The following MAGI3 variants were observed in gnomAD, a reference collection of about 807,000 sequenced individuals.
MAGI3 encodes the protein membrane associated guanylate kinase, WW and PDZ domain containing 3.
Under a neutral mutation model 121.8 loss-of-function variants are expected in MAGI3, and 43 were observed. That is an observed-to-expected ratio of 0.35 (90% CI 0.28 to 0.46). The LOEUF is 0.46. Among genes scored for constraint, MAGI3 ranks in the 20% least tolerant of loss-of-function variants. The pLI is 1.00. For synonymous variants in MAGI3, 553 were observed against 639.3 expected, an observed-to-expected ratio of 0.86 and a Z score of 2.04; for missense variants, 1,547 against 1,797.3, an observed-to-expected ratio of 0.86 and a Z score of 2.52.
chr1:113,529,180 T>G (rs1035958212), intron 1 of MAGI3, among the ~76,000 whole-genome samples: 2 of 152,332 alleles, frequency 1.3e-5, no homozygotes, highest in African/African-American at 4.8e-5. Context: ...TTTTATTCAT[T>G]TCTAGTTTAG....
intron 1 of MAGI3, among the ~76,000 whole-genome samples, chr1:113,510,714 G>A (rs1657572840): frequency 1.3e-5 from 2 of 152,130 alleles, no homozygotes; most frequent in South Asian, 4.1e-4. Flanking sequence ...TGAACTTAGA[G>A]GCCATCAGCA....
intron 7 of MAGI3, among the ~76,000 whole-genome samples, chr1:113,618,177 A>C (rs61475115): frequency 1.3e-5 from 1 of 78,792 alleles, no homozygotes; most frequent in Non-Finnish European, 2.8e-5. Flanking sequence ...AAAAAAAAAA[A>C]TTTTTTTTAA....
Position 113,503,809 on chromosome 1 carries a change from A to T in MAGI3, c.317-45706A>T, listed in dbSNP as rs989562130. Among the ~76,000 whole-genome samples, 3 of 152,092 alleles carry T rather than the reference A, an allele frequency of 2.0e-5. No individual in the cohort carries two copies. The East Asian group carries it at 5.8e-4, about 29-fold the overall frequency. ...ATAAAAATATATGTGACTGGGAATG[A>T]CATGAATAGAAACTTCTGGAAAATG... is the stretch of plus-strand genomic sequence containing the variant. On this transcript the variant is annotated intron_variant, in intron 1 of 20. Transcript: ENST00000307546.
At chr1:113,493,206 G>A (rs1373660709) in intron 1 of MAGI3, among the ~76,000 whole-genome samples, 4 of 152,090 alleles carry the variant, frequency 2.6e-5, no homozygotes, top group Non-Finnish European at 4.4e-5. Flanking sequence ...TAGACCAATG[G>A]AATGGATTAG....
At chr1:113,654,582 G>A (rs1312327084) in intron 15 of MAGI3, among the ~76,000 whole-genome samples, 1 of 152,056 alleles carries the variant, frequency 6.6e-6, no homozygotes, top group Non-Finnish European at 1.5e-5. Context: ...TTGGAAAATG[G>A]ATCTAAATAT....
rs557849194 is a variant in MAGI3, at chr1:113,597,529, T to C, written c.1018+2969T>C. ...GACTTATGCACTTCACAAAAGAAGA[T>C]AAAAGAAGAGTCAAGAAGAACATGA... is the stretch of plus-strand genomic sequence containing the variant. On this transcript the variant is annotated intron_variant, in intron 6 of 20. Transcript: ENST00000307546. Among the ~76,000 whole-genome samples, 8 of 152,268 alleles carry C rather than the reference T, an allele frequency of 5.3e-5. No homozygotes were observed. The East Asian group carries it at 1.2e-3, about 22-fold the overall frequency.
intron 1 of MAGI3, among the ~76,000 whole-genome samples, chr1:113,532,816 A>G (rs1365204605): frequency 6.6e-6 from 1 of 152,234 alleles, no homozygotes; most frequent in African/African-American, 2.4e-5. Context: ...CATGTCAAAA[A>G]CAAGGTAATA....
At chr1:113,535,310 CCT>C (rs1285667829) in intron 1 of MAGI3, among the ~76,000 whole-genome samples, 1 of 151,664 alleles carries the variant, frequency 6.6e-6, no homozygotes, top group East Asian at 1.9e-4. Context: ...AAAAAAAAAA[CCT>C]CTCAATAGAA....
chr1:113,556,738 T>A (rs187141710), intron 2 of MAGI3, among the ~76,000 whole-genome samples: 9 of 152,046 alleles, frequency 5.9e-5, no homozygotes, highest in Admixed American at 3.3e-4. Context: ...AATTTTTTTT[T>A]AATTCTTATT....
At chr1:113,524,487 G>C (rs1054679916) in intron 1 of MAGI3, among the ~76,000 whole-genome samples, 1 of 152,104 alleles carries the variant, frequency 6.6e-6, no homozygotes, top group Admixed American at 6.6e-5. Context: ...GCATGACCTG[G>C]ATGTGAGACA....
chr1:113,549,510 T>A lies in MAGI3; in HGVS notation c.317-5T>A. 1 of 1,500,946 alleles carries A rather than the reference T, an allele frequency of 6.7e-7. No homozygotes were observed. The highest frequency in any genetic ancestry group is 9.1e-7 in the Non-Finnish European group (1 of 1,097,504). The allele number at this position is 1,500,946 out of a possible 1,614,324, so 93.0% of individuals were successfully genotyped here. On this transcript the variant is annotated splice_polypyrimidine_tract_variant and splice_region_variant and intron_variant, in intron 1 of 20. Coordinates refer to ENST00000307546, the MANE Select transcript of MAGI3 (RefSeq NM_001142782.2). Reference sequence around the variant, plus strand: ...TTCTGTTTTTTTTTTTTGTCTTTGCTCCAGGCAAAGTCATTAATAAAGATT... The same window carrying A: ...TTCTGTTTTTTTTTTTTGTCTTTGCACCAGGCAAAGTCATTAATAAAGATT...
intron 1 of MAGI3, among the ~76,000 whole-genome samples, chr1:113,532,387 T>C (rs978360541): frequency 1.3e-5 from 2 of 152,074 alleles, no homozygotes; most frequent in Non-Finnish European, 2.9e-5. Context: ...GTCTTTATAG[T>C]GTTACCTGCA....
intron 1 of MAGI3, among the ~76,000 whole-genome samples, chr1:113,459,181 A>G (rs1448843455): frequency 6.6e-6 from 1 of 152,208 alleles, no homozygotes; most frequent in Non-Finnish European, 1.5e-5. Context: ...TTGATGGCTA[A>G]GATTTTGTTG....
intron 6 of MAGI3, among the ~76,000 whole-genome samples, chr1:113,600,154 A>G (rs1056219357): frequency 6.6e-6 from 1 of 152,178 alleles, no homozygotes; most frequent in Non-Finnish European, 1.5e-5. Context: ...CCCTTTGAAA[A>G]CTGGCACAAG....
intron 1 of MAGI3, among the ~76,000 whole-genome samples, chr1:113,526,730 C>T (rs1264399677): frequency 6.6e-6 from 1 of 152,238 alleles, no homozygotes; most frequent in African/African-American, 2.4e-5. Context: ...GCTGTTGGCT[C>T]AATCAGGCTA....
At chr1:113,650,591 G>A (rs1030338058) in intron 13 of MAGI3, among the ~76,000 whole-genome samples, 1 of 152,190 alleles carries the variant, frequency 6.6e-6, no homozygotes, top group East Asian at 1.9e-4. Context: ...CATATGTGAT[G>A]GGAGTACTGT....
intron 2 of MAGI3, among the ~76,000 whole-genome samples, chr1:113,550,680 TAGG>T (rs1431653599): frequency 6.9e-6 from 1 of 145,710 alleles, no homozygotes; most frequent in Non-Finnish European, 1.5e-5. Context: ...CGCTTGAACC[TAGG>T]AGGCGGAGAT....
At chr1:113,654,116 C>A in intron 15 of MAGI3, 98 bp downstream of exon 15, 1 of 944,974 alleles carries the variant, frequency 1.1e-6, no homozygotes, top group Non-Finnish European at 1.6e-6. Flanking sequence ...GTATAAAATG[C>A]CTTAGGTACT....
At chr1:113,436,333 C>G (rs1214201324) in intron 1 of MAGI3, among the ~76,000 whole-genome samples, 3 of 151,838 alleles carry the variant, frequency 2.0e-5, no homozygotes, top group Non-Finnish European at 4.4e-5. Context: ...ATATAGATGA[C>G]CAGATTAAGA....
Sources: allele counts gnomAD v4.1 joint callset (sites outside exome capture counted in the v4.1 genomes callset), GRCh38; gene constraint gnomAD v4.1.1; transcripts MANE v1.5; gene names NCBI Gene and HGNC (gene_info 2026-07-23, HGNC 2026-07-21).